The following CDC42BPG variants were observed in gnomAD, a reference collection of about 807,000 sequenced individuals.
CDC42BPG encodes serine/threonine-protein kinase MRCK gamma.
In CDC42BPG, 157 loss-of-function variants were observed where a neutral mutation model predicts 192.2. That is an observed-to-expected ratio of 0.82 (90% CI 0.72 to 0.93). The LOEUF is 0.93. Among genes scored for constraint, CDC42BPG ranks in the 40% least tolerant of loss-of-function variants. CDC42BPG has a pLI of 0.00. For missense variants in CDC42BPG, 1,992 were observed against 2,122.1 expected (o/e 0.94, Z 1.20); for synonymous variants, 981 against 918.5 (o/e 1.07, Z -1.23).
rs749340424 is a variant in CDC42BPG at position 64,829,675 on chromosome 11, C to G, written c.3763G>C (p.Ala1255Pro). Residue 1255 changes from alanine (A) to proline (P), a missense_variant, in exon 30 of 37, where the codon GCT (alanine) becomes CCT (proline). Physicochemically the swap from Ala to Pro is conservative, Grantham distance 27. Around this residue, in one of 2 missense-constraint regions of CDC42BPG, gnomAD observed 1,656 missense variants for 1,844.3 expected, o/e 0.90. Coordinates refer to ENST00000342711, the MANE Select transcript of CDC42BPG (RefSeq NM_017525.3). The stretch of plus-strand genomic sequence containing the variant: ...CCGGCCCCCAGCGCCAACGGCGCAG[C>G]CTCGTTGAGCAGCGGGTAGAGTGCA... ...GFALYPLLNE[A>P]APLALGAGLV... is the part of the protein sequence containing the mutation. 2.3e-5 allele frequency: 37 copies of G among 1,611,628 alleles called. No individual in the cohort carries two copies. The highest frequency in any genetic ancestry group is 1.6e-4 in the Middle Eastern group (1 of 6,078).
intron 28 of CDC42BPG, among the ~76,000 whole-genome samples, chr11:64,831,196 C>A (rs533373043): frequency 6.7e-6 from 1 of 150,204 alleles, no homozygotes; most frequent in Non-Finnish European, 1.5e-5. Context: ...CCAGCCTGGG[C>A]GACCGAGCGA....
intron 30 of CDC42BPG, 35 bp from the exon 31 acceptor site, chr11:64,827,818 C>T: frequency 6.5e-7 from 1 of 1,547,578 alleles, no homozygotes. Context: ...AGCTGTTTCC[C>T]CCTCTGTTCC....
chr11:64,838,025 T>C (rs886772775), intron 9 of CDC42BPG, 58 bp downstream of exon 9: 7 of 1,441,760 alleles, frequency 4.9e-6, no homozygotes, highest in South Asian at 2.4e-5. Context: ...ACGCGCCCAG[T>C]GTCCTCCAGG....
Position 64,834,343 on chromosome 11 carries a change from T to A in CDC42BPG, c.2336A>T (p.Glu779Val). 1 of 1,572,146 alleles carries A rather than the reference T, an allele frequency of 6.4e-7. No individual in the cohort carries two copies. The highest frequency in any genetic ancestry group is 1.2e-5 in the South Asian group (1 of 86,346). ...CAGGGCCTGGCTCTGCTTCTCGGCCTCCTGCAGACGGCTGGGGAGAATGGC... is the reference window on the plus strand; with the variant it reads ...CAGGGCCTGGCTCTGCTTCTCGGCCACCTGCAGACGGCTGGGGAGAATGGC... The part of the protein sequence containing the change: ...AQLQAERRLQ[E>V]AEKQSQALQQ... The change falls in exon 20 of 37, where the codon GAG becomes GTG. Residue 779 changes from glutamate (E) to valine (V), a missense_variant. Coordinates refer to ENST00000342711, the MANE Select transcript of CDC42BPG (RefSeq NM_017525.3).
rs1398292356 is a variant in CDC42BPG at position 64,823,944 on chromosome 11, CCTGT to C, written c.*525_*528del. On this transcript the variant is annotated 3_prime_UTR_variant, in exon 37 of 37. Transcript: ENST00000342711. ...TCCTCCTCCACTTCCTTCCTCCTATCCTGTCTCTCACCTCCTTCGCCTACATCCT... is the reference window on the plus strand; with the variant it reads ...TCCTCCTCCACTTCCTTCCTCCTATCCTCTCACCTCCTTCGCCTACATCCT... The C allele has an allele frequency of 5.9e-6, 1 of 168,888 alleles. No homozygotes were observed. Among genetic ancestry groups the C allele is most frequent in the East Asian group, 1.8e-4 (1 of 5,518 alleles). The allele number at this position is 168,888 out of a possible 1,614,324, so 10.5% of individuals were successfully genotyped here.
rs528501698 is a variant in CDC42BPG at position 64,837,881 on chromosome 11, G to A, written c.1205+202C>T. ...GACCTTCGTGGAAGGCGCCATGAGA[G>A]CCATGTGCTGGCATGTGGCCCAGCA... On this transcript the variant is annotated intron_variant, in intron 9 of 36. Transcript: ENST00000342711. Among the ~76,000 whole-genome samples, 31 of 152,338 alleles carry A rather than the reference G, an allele frequency of 2.0e-4. 1 individual carries two copies. In the South Asian group the frequency reaches 6.4e-3, roughly 32 times the overall value.
At chr11:64,825,801 C>G (rs1942391442) in intron 36 of CDC42BPG, among the ~76,000 whole-genome samples, 1 of 152,112 alleles carries the variant, frequency 6.6e-6, no homozygotes, top group South Asian at 2.1e-4. Context: ...CATGGTGGCT[C>G]ACATCAGTAA....
In CDC42BPG at chr11:64,836,004, G is replaced by C. The variant is rs71539676; in HGVS notation, c.1668+113C>G. The C allele has an allele frequency of 7.7e-4, 1,057 of 1,364,712 alleles. 9 individuals carry two copies. In the Middle Eastern group the frequency reaches 8.5e-3, roughly 11 times the overall value. 84.5% of individuals were successfully genotyped at this position (1,364,712 alleles called of 1,614,324 possible). On this transcript the variant is annotated intron_variant, in intron 13 of 36. Coordinates refer to ENST00000342711, the MANE Select transcript of CDC42BPG (RefSeq NM_017525.3). Reference sequence around the variant, plus strand: ...GTCCCAGCCACCATCCCCTGGCCTAGCCTCTGCCAGCTACAACCGGGAGGC... The same window carrying C: ...GTCCCAGCCACCATCCCCTGGCCTACCCTCTGCCAGCTACAACCGGGAGGC...
chr11:64,835,191 AGCAGTCCTGGGAC>A, intron 16 of CDC42BPG, 38 bp from the exon 17 acceptor site: 1 of 1,602,326 alleles, frequency 6.2e-7, no homozygotes, highest in East Asian at 2.2e-5. Flanking sequence ...CCCAGGCCCC[AGCAGTCCTGGGAC>A]TGCCGTCTCC....
At chr11:64,834,181 C>T in intron 20 of CDC42BPG, 85 bp downstream of exon 20, 1 of 1,440,526 alleles carries the variant, frequency 6.9e-7, no homozygotes, top group Non-Finnish European at 9.4e-7. Context: ...CTCCACCACC[C>T]TGCCAGGCCA....
intron 18 of CDC42BPG, 86 bp from the exon 19 acceptor site, chr11:64,834,663 A>T: frequency 6.9e-7 from 1 of 1,446,096 alleles, no homozygotes; most frequent in Non-Finnish European, 9.2e-7. Context: ...CCTGCTACCC[A>T]TGCCACCCAG....
Position 64,827,776 on chromosome 11 carries a change from C to T in CDC42BPG, c.3975G>A (p.Ala1325=), listed in dbSNP as rs183345829. The change falls in exon 31 of 37, where the codon GCG becomes GCA. Residue 1325 remains alanine (A), a synonymous_variant. Transcript: ENST00000342711. The part of the protein sequence containing the change: ...WPAAPMGWGY[A]APYLTVFSEN... ...CGCTGAACACTGTCAGGTAGGGGGC[C>T]GCATACCCTGCGGGCACGCCAGGCA... 1,153 of 1,608,098 alleles carry T rather than the reference C, an allele frequency of 7.2e-4. 22 individuals are homozygous for T. The Admixed American group carries it at 0.018, about 25-fold the overall frequency.
Position 64,823,118 on chromosome 11 carries a change from A to T in CDC42BPG, c.*1355T>A, listed in dbSNP as rs574468028. 7.3e-5 allele frequency among the ~76,000 whole-genome samples: 10 copies of T among 136,448 alleles called. No homozygotes were observed. The East Asian group carries it at 1.7e-3, about 23-fold the overall frequency. 89.5% of individuals were successfully genotyped at this position (136,448 alleles called of 152,430 possible). On this transcript the variant is annotated 3_prime_UTR_variant, in exon 37 of 37. Coordinates refer to ENST00000342711, the MANE Select transcript of CDC42BPG (RefSeq NM_017525.3). ...TTTTTTTTTTTTGAGACGGAGTCTC[A>T]CTCTGTCACCCAGGCTGGAGTGCAG...
At chr11:64,828,574 C>T (rs1366246556) in intron 30 of CDC42BPG, among the ~76,000 whole-genome samples, 1 of 152,250 alleles carries the variant, frequency 6.6e-6, no homozygotes, top group Admixed American at 6.5e-5. Flanking sequence ...GAGCGCCTAC[C>T]AGCTCCAGGC....
chr11:64,830,968 A>G (rs1942656675), intron 28 of CDC42BPG, among the ~76,000 whole-genome samples: 1 of 152,216 alleles, frequency 6.6e-6, no homozygotes, highest in African/African-American at 2.4e-5. Context: ...CTATAATTCC[A>G]GCACTTTGGG....
At chr11:64,840,741 G>A (rs891335139) in intron 3 of CDC42BPG, 93 bp from the exon 4 acceptor site, 3 of 1,132,110 alleles carry the variant, frequency 2.6e-6, no homozygotes, top group Non-Finnish European at 4.0e-6. Context: ...GATTCTGTGA[G>A]TCTGGGAGCT....
intron 36 of CDC42BPG, among the ~76,000 whole-genome samples, 196 bp downstream of exon 36, chr11:64,826,274 C>G (rs1340934472): frequency 6.6e-6 from 1 of 152,206 alleles, no homozygotes; most frequent in Non-Finnish European, 1.5e-5. Flanking sequence ...AGATTCCCAC[C>G]TAGGCTGGCC....
rs1942759643 is a variant in CDC42BPG, at chr11:64,832,762, T to A, written c.2866-19A>T. On this transcript the variant is annotated intron_variant, in intron 25 of 36. Coordinates refer to ENST00000342711, the MANE Select transcript of CDC42BPG (RefSeq NM_017525.3). ...GCGGCACCTGGCGGAAAGGCAAGCA[T>A]GGGAGGGCTGCAGGGACCCTCAGCC... 1.3e-6 allele frequency: 2 copies of A among 1,597,594 alleles called. No homozygotes were observed. Among genetic ancestry groups the A allele is most frequent in the African/African-American group, 1.3e-5 (1 of 74,428 alleles).
chr11:64,844,376 G>A (rs532713820), intron 1 of CDC42BPG, 34 bp downstream of exon 1: 91 of 1,362,044 alleles, frequency 6.7e-5, no homozygotes, highest in Non-Finnish European at 8.2e-5. Flanking sequence ...ATATCCCTAG[G>A]CCCGCCCCCG....
Sources: allele counts gnomAD v4.1 joint callset (sites outside exome capture counted in the v4.1 genomes callset), GRCh38; gene constraint gnomAD v4.1.1; regional missense constraint gnomAD v4.1.1; transcripts MANE v1.5; gene names NCBI Gene and HGNC (gene_info 2026-07-23, HGNC 2026-07-21).